Variants in COL23A1 observed in about 807,000 individuals in gnomAD.
COL23A1 encodes collagen type XXIII alpha 1 chain, also known as collagen alpha-1(XXIII) chain.
COL23A1 carries 97 observed loss-of-function variants against 99.3 expected under a neutral mutation model. That is an observed-to-expected ratio of 0.98 (90% CI 0.83 to 1.16). The LOEUF is 1.16. COL23A1 is among the 50% of genes most tolerant of loss of function. The pLI is 0.00. For missense variants in COL23A1, 762 were observed against 757.4 expected (o/e 1.01, Z -0.07); for synonymous variants, 320 against 308.2 (o/e 1.04, Z -0.40).
At chr5:178,527,329 C>T (rs1173974593) in intron 2 of COL23A1, among the ~76,000 whole-genome samples, 1 of 152,188 alleles carries the variant, frequency 6.6e-6, no homozygotes, top group Non-Finnish European at 1.5e-5. Context: ...CTAGATGTTT[C>T]CACACCGTCC....
intron 2 of COL23A1, among the ~76,000 whole-genome samples, chr5:178,357,358 C>T (rs1021739127): frequency 3.9e-5 from 6 of 152,160 alleles, no homozygotes; most frequent in African/African-American, 1.2e-4. Context: ...CCCCTGGGGT[C>T]GGGGGGTCAG....
intron 2 of COL23A1, among the ~76,000 whole-genome samples, chr5:178,349,519 TGGCCCTCCCTAGGCAGGGCCACC>T (rs1761189485): frequency 5.8e-5 from 1 of 17,158 alleles, no homozygotes; most frequent in Non-Finnish European, 1.5e-4. Context: ...GCCCCACACC[TGGCCCTCCCTAGGCAGGGCCACC>T]CCCCACGCCC....
intron 2 of COL23A1, among the ~76,000 whole-genome samples, chr5:178,488,001 C>T (rs1423003055): frequency 1.3e-5 from 2 of 152,174 alleles, no homozygotes; most frequent in Non-Finnish European, 2.9e-5. Context: ...TACTTAACCT[C>T]CTTGAAACTG....
chr5:178,558,608 G>A (rs1198699476), intron 2 of COL23A1, among the ~76,000 whole-genome samples: 4 of 152,192 alleles, frequency 2.6e-5, no homozygotes, highest in African/African-American at 7.2e-5. Context: ...CCCACTAAAC[G>A]GATTTGGTGT....
chr5:178,264,172 G>T (rs577000724), intron 8 of COL23A1, among the ~76,000 whole-genome samples: 1 of 152,042 alleles, frequency 6.6e-6, no homozygotes, highest in Non-Finnish European at 1.5e-5. Flanking sequence ...GTGTACAGGT[G>T]GGGGCATCTG....
intron 2 of COL23A1, among the ~76,000 whole-genome samples, chr5:178,505,159 G>C (rs553847305): frequency 2.6e-4 from 40 of 152,260 alleles, no homozygotes; most frequent in African/African-American, 9.1e-4. Context: ...GCTCGAAATC[G>C]TGGCGTTCCT....
At position 178,309,672 on chromosome 5, in the gene COL23A1, C is replaced by A. The variant is rs1162254303; in HGVS notation, c.362-2753G>T. On this transcript the variant is annotated intron_variant, in intron 2 of 28. Transcript: ENST00000390654. The surrounding 1 kb of genome is among the most constrained non-coding windows in gnomAD (Gnocchi z 4.7). ...CCTCCCTTGTTACTTACCTGCAGGT[C>A]CCAGCAGCACCCAAGCAGTCAAGCC... Among the ~76,000 whole-genome samples, 1 of 149,864 alleles carries A rather than the reference C, an allele frequency of 6.7e-6. No homozygotes were observed. Among genetic ancestry groups the A allele is most frequent in the Non-Finnish European group, 1.5e-5 (1 of 67,584 alleles).
rs760428392 is a variant in COL23A1 at position 178,308,603 on chromosome 5, C to T, written c.362-1684G>A. Among the ~76,000 whole-genome samples, 36 of 152,110 alleles carry T rather than the reference C, an allele frequency of 2.4e-4. No individual in the cohort carries two copies. The highest frequency in any genetic ancestry group is 4.4e-4 in the Non-Finnish European group (30 of 68,008). On this transcript the variant is annotated intron_variant, in intron 2 of 28. Coordinates refer to ENST00000390654, the MANE Select transcript of COL23A1 (RefSeq NM_173465.4). The surrounding 1 kb of genome is among the most constrained non-coding windows in gnomAD (Gnocchi z 5.1). ...GCACCTCCAGGCCCATGCTCCTGGC[C>T]GAGGCCTGCGACACCCACACTGTCC...
intron 2 of COL23A1, among the ~76,000 whole-genome samples, chr5:178,419,916 T>C (rs957683646): frequency 6.6e-6 from 1 of 152,230 alleles, no homozygotes; most frequent in East Asian, 1.9e-4. Flanking sequence ...CTCTGATTCC[T>C]GTGTGTCACT....
At chr5:178,586,230 T>C (rs533297361) in intron 1 of COL23A1, among the ~76,000 whole-genome samples, 1 of 152,364 alleles carries the variant, frequency 6.6e-6, no homozygotes, top group East Asian at 1.9e-4. Context: ...ATTCTGTTAC[T>C]TCCCATCAAA....
At chr5:178,253,767 C>T (rs569145043) in intron 16 of COL23A1, among the ~76,000 whole-genome samples, 66 of 152,166 alleles carry the variant, frequency 4.3e-4, no homozygotes, top group African/African-American at 1.4e-3. Context: ...AGGCGGGAGC[C>T]GCCGCGCCCG....
chr5:178,551,662 G>A (rs553048944), intron 2 of COL23A1, among the ~76,000 whole-genome samples: 1 of 152,062 alleles, frequency 6.6e-6, no homozygotes, highest in Non-Finnish European at 1.5e-5. Context: ...ATGGCCATTC[G>A]ACAGGGCGTT....
chr5:178,382,881 G>A (rs994686675), intron 2 of COL23A1, among the ~76,000 whole-genome samples: 6 of 152,124 alleles, frequency 3.9e-5, no homozygotes, highest in East Asian at 1.9e-4. Context: ...CTGGCTCCTC[G>A]GCTGGCCTGG....
At chr5:178,545,332 G>A (rs748063330) in intron 2 of COL23A1, among the ~76,000 whole-genome samples, 3 of 152,130 alleles carry the variant, frequency 2.0e-5, no homozygotes, top group African/African-American at 4.8e-5. Flanking sequence ...GGTTCCGCAC[G>A]AGGCTACTTC....
intron 2 of COL23A1, among the ~76,000 whole-genome samples, chr5:178,471,528 T>C (rs1756751374): frequency 5.2e-5 from 1 of 19,264 alleles, no homozygotes; most frequent in Non-Finnish European, 8.9e-5. Context: ...TGTGAGCCAC[T>C]GTGCCTTGGC....
At chr5:178,484,694 T>C (rs575307838) in intron 2 of COL23A1, among the ~76,000 whole-genome samples, 39 of 151,714 alleles carry the variant, frequency 2.6e-4, no homozygotes, top group African/African-American at 4.8e-4. Context: ...TGGTGGTGGG[T>C]GCCTGTAGTC....
intron 2 of COL23A1, among the ~76,000 whole-genome samples, chr5:178,410,840 A>G (rs1452025897): frequency 1.3e-5 from 2 of 152,262 alleles, no homozygotes; most frequent in Non-Finnish European, 2.9e-5. Context: ...TACACCATAC[A>G]GAATGCAAGA....
At chr5:178,275,528 G>A (rs962603427) in intron 5 of COL23A1, among the ~76,000 whole-genome samples, 1 of 152,136 alleles carries the variant, frequency 6.6e-6, no homozygotes, top group Admixed American at 6.5e-5. Flanking sequence ...AAGAAGGGAG[G>A]GGGAGGAACA....
At chr5:178,557,108 C>T (rs1055792998) in intron 2 of COL23A1, among the ~76,000 whole-genome samples, 2 of 152,208 alleles carry the variant, frequency 1.3e-5, no homozygotes, top group Non-Finnish European at 2.9e-5. Context: ...CCCTCCCACA[C>T]CCCTCCATAG....
Sources: allele counts gnomAD v4.1 joint callset (sites outside exome capture counted in the v4.1 genomes callset), GRCh38; gene constraint gnomAD v4.1.1; non-coding constraint Gnocchi (gnomAD v3.1); transcripts MANE v1.5; gene names NCBI Gene and HGNC (gene_info 2026-07-23, HGNC 2026-07-21).